MMP20: variants seen among roughly 807,000 people sequenced by gnomAD.
MMP20 encodes matrix metalloproteinase-20.
MMP20 carries 50 observed loss-of-function variants against 51.8 expected under a neutral mutation model. That is an observed-to-expected ratio of 0.97 (90% CI 0.77 to 1.22). MMP20 has a LOEUF of 1.22. MMP20 is among the 50% of genes most tolerant of loss of function. MMP20 has a pLI of 0.00. For synonymous variants in MMP20, 244 were observed against 216.2 expected (o/e 1.13, Z -1.13); for missense variants, 663 against 601.4 (o/e 1.10, Z -1.07).
intron 3 of MMP20, among the ~76,000 whole-genome samples, chr11:102,610,270 G>T (rs1314540461): frequency 6.7e-6 from 1 of 148,572 alleles, no homozygotes; most frequent in Non-Finnish European, 1.5e-5. Flanking sequence ...CCTGTTTTGG[G>T]TTATTGTTGC....
chr11:102,578,764 C>A (rs12800130), intron 9 of MMP20, among the ~76,000 whole-genome samples: 4 of 106,780 alleles, frequency 3.7e-5, no homozygotes, highest in East Asian at 3.1e-4. Flanking sequence ...AAACAAAAAA[C>A]AAAAACAAAA....
At chr11:102,611,566 T>A (rs1859599926) in intron 3 of MMP20, among the ~76,000 whole-genome samples, 189 bp downstream of exon 3, 2 of 152,224 alleles carry the variant, frequency 1.3e-5, no homozygotes, top group Non-Finnish European at 2.9e-5. Flanking sequence ...TGACAAGACA[T>A]GCTAAGAACT....
chr11:102,583,577 A>G (rs931089639), intron 8 of MMP20: 1 of 152,224 alleles, frequency 6.6e-6, no homozygotes, highest in African/African-American at 2.4e-5. Flanking sequence ...AAGCAATACC[A>G]TCTAGGTTTG....
intron 2 of MMP20, among the ~76,000 whole-genome samples, 188 bp downstream of exon 2, chr11:102,616,624 T>G (rs138656583): frequency 1.2e-3 from 188 of 152,340 alleles, no homozygotes; most frequent in African/African-American, 4.3e-3. Flanking sequence ...ATGATAATCC[T>G]AAAACCGTAT....
intron 6 of MMP20, 87 bp from the exon 7 acceptor site, chr11:102,594,844 T>C (rs1408977164): frequency 2.0e-6 from 3 of 1,519,226 alleles, no homozygotes; most frequent in Non-Finnish European, 2.7e-6. Context: ...TGAAATGTAC[T>C]CAGAGGCCAC....
intron 8 of MMP20, among the ~76,000 whole-genome samples, chr11:102,582,120 G>A (rs755333875): frequency 2.0e-5 from 3 of 152,094 alleles, no homozygotes; most frequent in Admixed American, 6.5e-5. Flanking sequence ...TTTCAGATAC[G>A]TTATCTTACT....
At chr11:102,611,968 G>A (rs1591621321) in intron 2 of MMP20, 65 bp from the exon 3 acceptor site, 2 of 1,449,356 alleles carry the variant, frequency 1.4e-6, no homozygotes, top group Non-Finnish European at 1.9e-6. Flanking sequence ...AGAATTATAT[G>A]TTGTATTCAA....
intron 1 of MMP20, 124 bp from the exon 2 acceptor site, chr11:102,617,183 G>A: frequency 8.7e-7 from 1 of 1,144,668 alleles, no homozygotes; most frequent in Admixed American, 2.1e-5. Flanking sequence ...TCCCATTTAT[G>A]AAAAAAGTAG....
At chr11:102,606,863 A>G (rs998275160) in intron 5 of MMP20, 187 bp from the exon 6 acceptor site, 3 of 647,222 alleles carry the variant, frequency 4.6e-6, no homozygotes, top group Non-Finnish European at 8.2e-6. Context: ...TTTGAGGCAC[A>G]TTATTCAACT....
intron 6 of MMP20, among the ~76,000 whole-genome samples, chr11:102,599,277 C>T (rs1341062933): frequency 6.6e-6 from 1 of 152,146 alleles, no homozygotes; most frequent in Non-Finnish European, 1.5e-5. Context: ...GCCTCGGCTT[C>T]CCAAAGTGCT....
Position 102,611,778 on chromosome 11 carries a change from A to G in MMP20, c.500T>C (p.Ile167Thr). Residue 167 changes from isoleucine to threonine, a missense_variant, in exon 3 of 10, where the codon ATT becomes ACT. Physicochemically the swap from Ile to Thr is moderately conservative, Grantham distance 89. Coordinates refer to ENST00000260228, the MANE Select transcript of MMP20 (RefSeq NM_004771.4). Reference protein sequence around the residue: ...FVRINSGEADIMISFENGDHG... With the variant: ...FVRINSGEADTMISFENGDHG... ...ACCTCCATTTTCAAAAGATATCATA[A>G]TATCCGCTTCTCCTGAGTTTATTCT... 6.2e-7 allele frequency: 1 copy of G among 1,614,198 alleles called. No individual in the cohort carries two copies. The highest frequency in any genetic ancestry group is 8.5e-7 in the Non-Finnish European group (1 of 1,180,026).
chr11:102,596,524 T>C (rs1226996528), intron 6 of MMP20, among the ~76,000 whole-genome samples: 1 of 152,212 alleles, frequency 6.6e-6, no homozygotes, highest in East Asian at 1.9e-4. Flanking sequence ...TAGATACTGT[T>C]AGTTTGAAAA....
chr11:102,611,625 T>TCTTGGC, intron 3 of MMP20, 130 bp downstream of exon 3: 1 of 1,111,300 alleles, frequency 9.0e-7, no homozygotes, highest in Admixed American at 1.9e-5. Flanking sequence ...TTTGCCATGG[T>TCTTGGC]CTTGGCCTTG....
intron 2 of MMP20, among the ~76,000 whole-genome samples, chr11:102,612,236 G>T (rs1306986366): frequency 6.6e-6 from 1 of 152,168 alleles, no homozygotes; most frequent in African/African-American, 2.4e-5. Context: ...AGGCTGAGGT[G>T]GGAGGATCAC....
chr11:102,588,648 T>G (rs1342302627), intron 8 of MMP20, among the ~76,000 whole-genome samples: 1 of 152,240 alleles, frequency 6.6e-6, no homozygotes, highest in African/African-American at 2.4e-5. Context: ...AATATGCATT[T>G]ATACTGTCTT....
At chr11:102,587,910 C>T (rs1859272690) in intron 8 of MMP20, among the ~76,000 whole-genome samples, 1 of 152,048 alleles carries the variant, frequency 6.6e-6, no homozygotes, top group African/African-American at 2.4e-5. Flanking sequence ...GCAGTCTTTG[C>T]CATTTGATTA....
intron 2 of MMP20, 47 bp from the exon 3 acceptor site, chr11:102,611,950 A>C (rs189382069): frequency 6.4e-7 from 1 of 1,570,744 alleles, no homozygotes; most frequent in East Asian, 2.2e-5. Flanking sequence ...ACTGCTCCGA[A>C]GAAGGCAAGA....
At chr11:102,615,977 T>A (rs1014712018) in intron 2 of MMP20, among the ~76,000 whole-genome samples, 3 of 152,008 alleles carry the variant, frequency 2.0e-5, no homozygotes, top group African/African-American at 7.3e-5. Context: ...GGGGAGGAAG[T>A]CTGCGCTGGC....
chr11:102,616,861 G>A lies in MMP20; in HGVS notation c.325C>T (p.Arg109Cys), dbSNP rs1859678211. The A allele has an allele frequency of 8.1e-6, 13 of 1,614,042 alleles. No individual in the cohort carries two copies. The highest frequency in any genetic ancestry group is 1.3e-5 in the African/African-American group (1 of 74,912). The stretch of plus-strand genomic sequence containing the variant: ...CATTTGGGTTCACCAGGGAAGAGGC[G>A]ATAATTGGCCACATCAGGAACTCCA... ...RCGVPDVANY[R>C]LFPGEPKWKK... is the part of the protein sequence containing the mutation. Residue 109 changes from arginine to cysteine, a missense_variant, in exon 2 of 10, where the codon CGC (arginine) becomes TGC (cysteine). By Grantham distance (180) the Arg-to-Cys change is radical. Coordinates refer to ENST00000260228, the MANE Select transcript of MMP20 (RefSeq NM_004771.4).
Sources: allele counts gnomAD v4.1 joint callset (sites outside exome capture counted in the v4.1 genomes callset), GRCh38; gene constraint gnomAD v4.1.1; transcripts MANE v1.5; gene names NCBI Gene and HGNC (gene_info 2026-07-23, HGNC 2026-07-21).